Variants in EXOC2 observed in about 807,000 individuals in gnomAD.
EXOC2 encodes the protein exocyst complex component 2.
In EXOC2, 70 loss-of-function variants were observed where a neutral mutation model predicts 131.8. That is an observed-to-expected ratio of 0.53 (90% CI 0.44 to 0.65). The LOEUF is 0.65. EXOC2 is among the 30% of genes least tolerant of loss of function. EXOC2 has a pLI of 0.00. For synonymous variants in EXOC2, 411 were observed against 398.4 expected (o/e 1.03, Z -0.38); for missense variants, 923 against 1,108.6 (o/e 0.83, Z 2.38).
chr6:518,473 A>C (rs1765284473), intron 23 of EXOC2, among the ~76,000 whole-genome samples: 1 of 152,278 alleles, frequency 6.6e-6, no homozygotes, highest in African/African-American at 2.4e-5. Flanking sequence ...TATAGCTATC[A>C]ATTTAAAACA....
chr6:570,969 A>G (rs12202906), intron 13 of EXOC2, among the ~76,000 whole-genome samples: 74,449 of 152,032 alleles, frequency 0.49, 19,468 homozygotes, highest in Admixed American at 0.63. Context: ...TGACCTCAGC[A>G]TGGTGAGCCC....
In EXOC2 at chr6:575,531, T is replaced by C. The variant is rs375511252; in HGVS notation, c.1318+1226A>G. Among the ~76,000 whole-genome samples the C allele has an allele frequency of 3.3e-5, 5 of 151,820 alleles. No individual in the cohort carries two copies. In the East Asian group the frequency reaches 5.8e-4, roughly 18 times the overall value. On this transcript the variant is annotated intron_variant, in intron 12 of 27. Transcript: ENST00000230449. ...CCTCTCCATCCTCTCCCTCGCTCCA[T>C]CTCCTGCCATGCGACATGCTGGCTC...
At chr6:487,291 G>T (rs183684693) in intron 27 of EXOC2, among the ~76,000 whole-genome samples, 1 of 147,864 alleles carries the variant, frequency 6.8e-6, no homozygotes, top group African/African-American at 2.5e-5. Context: ...AGTGGGGAGC[G>T]AAAGCAGTGA....
At position 599,967 on chromosome 6, in the gene EXOC2, T is replaced by C. The variant is rs540361549; in HGVS notation, c.743-742A>G. Among the ~76,000 whole-genome samples the C allele has an allele frequency of 3.9e-4, 59 of 152,316 alleles. 3 individuals carry two copies. The South Asian group carries it at 0.012, about 30-fold the overall frequency. ...ACAAAAACAGTTTAAATTTTGCAAC[T>C]TGTGAATTAGTTTTAATTCCACAAC... On this transcript the variant is annotated intron_variant, in intron 7 of 27. Transcript: ENST00000230449.
intron 25 of EXOC2, 61 bp from the exon 26 acceptor site, chr6:491,247 G>A (rs2127468279): frequency 1.3e-6 from 2 of 1,563,228 alleles, no homozygotes; most frequent in Non-Finnish European, 8.8e-7. Flanking sequence ...ATATAAACAA[G>A]TACTAAGGTT....
Position 644,451 on chromosome 6 carries a change from A to G in EXOC2, c.-43-6590T>C, listed in dbSNP as rs1040475238. Reference sequence around the variant, plus strand: ...CCCCCTTTCGAACAGTAACATAGAAAAGATACCTCTCTTTCCTTGCCTATT... The same window carrying G: ...CCCCCTTTCGAACAGTAACATAGAAGAGATACCTCTCTTTCCTTGCCTATT... On this transcript the variant is annotated intron_variant, in intron 1 of 27. Coordinates refer to ENST00000230449, the MANE Select transcript of EXOC2 (RefSeq NM_018303.6). 2.8e-4 allele frequency among the ~76,000 whole-genome samples: 42 copies of G among 152,302 alleles called. 1 individual carries two copies. The highest frequency in any genetic ancestry group is 9.6e-4 in the African/African-American group (40 of 41,586).
intron 1 of EXOC2, among the ~76,000 whole-genome samples, chr6:683,511 A>T (rs946214): frequency 6.6e-6 from 1 of 152,036 alleles, no homozygotes; most frequent in East Asian, 1.9e-4. Context: ...GCTGACAAAT[A>T]TAATAACTAT....
intron 1 of EXOC2, chr6:656,113 A>G (rs751149294): frequency 1.3e-6 from 2 of 1,598,516 alleles, no homozygotes; most frequent in Non-Finnish European, 1.7e-6. Flanking sequence ...AATTTTTACA[A>G]GGCAGGAATG....
chr6:623,813 C>T (rs528515456), intron 4 of EXOC2, among the ~76,000 whole-genome samples: 3 of 152,214 alleles, frequency 2.0e-5, no homozygotes, highest in East Asian at 1.9e-4. Flanking sequence ...GGTCTCCATA[C>T]TTTCAAGAAG....
intron 23 of EXOC2, among the ~76,000 whole-genome samples, chr6:517,634 T>C (rs1038607769): frequency 1.3e-5 from 2 of 152,320 alleles, no homozygotes; most frequent in East Asian, 1.9e-4. Context: ...CTAAAACCAT[T>C]AGATGAAAAG....
intron 27 of EXOC2, among the ~76,000 whole-genome samples, chr6:487,813 G>A (rs554605020): frequency 6.6e-6 from 1 of 152,214 alleles, no homozygotes; most frequent in South Asian, 2.1e-4. Context: ...TTATTTCACG[G>A]TTTAACAATG....
intron 13 of EXOC2, among the ~76,000 whole-genome samples, chr6:568,478 G>C (rs534121334): frequency 6.6e-6 from 1 of 152,154 alleles, no homozygotes; most frequent in African/African-American, 2.4e-5. Flanking sequence ...AGACCCTTGC[G>C]GCTTGTCAGT....
chr6:571,958 A>T (rs1758300784), intron 13 of EXOC2, among the ~76,000 whole-genome samples: 1 of 152,246 alleles, frequency 6.6e-6, no homozygotes, highest in South Asian at 2.1e-4. Flanking sequence ...CTATGCTATC[A>T]GTCATATGAT....
intron 23 of EXOC2, among the ~76,000 whole-genome samples, chr6:508,955 G>C (rs536231027): frequency 6.6e-6 from 1 of 152,296 alleles, no homozygotes; most frequent in South Asian, 2.1e-4. Context: ...TCAGTGTTCT[G>C]GATTTTGGCC....
intron 13 of EXOC2, among the ~76,000 whole-genome samples, chr6:571,912 A>G (rs934268644): frequency 2.3e-4 from 35 of 152,242 alleles, no homozygotes; most frequent in African/African-American, 8.2e-4. Flanking sequence ...TCCATGTGCC[A>G]CACATAACAG....
At chr6:598,710 C>A in intron 9 of EXOC2, 150 bp downstream of exon 9, 48 of 503,610 alleles carry the variant, frequency 9.5e-5, no homozygotes, top group East Asian at 1.2e-4. Context: ...AAAAGTCATA[C>A]TGTTATTTCT....
At chr6:491,294 G>T in intron 25 of EXOC2, 108 bp from the exon 26 acceptor site, 1 of 1,088,566 alleles carries the variant, frequency 9.2e-7, no homozygotes, top group Non-Finnish European at 1.4e-6. Flanking sequence ...GATGGGGTTG[G>T]CGTAATACCA....
chr6:488,890 C>T, intron 27 of EXOC2, 89 bp downstream of exon 27: 4 of 1,360,032 alleles, frequency 2.9e-6, no homozygotes, highest in Non-Finnish European at 3.1e-6. Context: ...TTCCTAGAAT[C>T]CAAATCATTA....
rs768527240 is a variant in EXOC2 at position 576,749 on chromosome 6, ATACT to A, written c.1318+4_1318+7del. Reference sequence around the variant, plus strand: ...AAAGACCCAGTGGCAGTGGAGGGAGATACTTACTGTCGTCTCGACCAGACTGAAA... The same window carrying A: ...AAAGACCCAGTGGCAGTGGAGGGAGATACTGTCGTCTCGACCAGACTGAAA... On this transcript the variant is annotated splice_donor_5th_base_variant and intron_variant, in intron 12 of 27. Transcript: ENST00000230449. 1.2e-6 allele frequency: 2 copies of A among 1,612,816 alleles called. No individual in the cohort carries two copies. Among genetic ancestry groups the A allele is most frequent in the Non-Finnish European group, 1.7e-6 (2 of 1,179,484 alleles).
Sources: allele counts gnomAD v4.1 joint callset (sites outside exome capture counted in the v4.1 genomes callset), GRCh38; gene constraint gnomAD v4.1.1; transcripts MANE v1.5; gene names NCBI Gene and HGNC (gene_info 2026-07-23, HGNC 2026-07-21).